Variants in AFDN observed in about 807,000 individuals in gnomAD.
AFDN encodes the protein afadin.
Under a neutral mutation model 216.6 loss-of-function variants are expected in AFDN, and 68 were observed. The ratio of observed to expected loss-of-function variants is 0.31; its 90% CI spans 0.26 to 0.38. AFDN has a LOEUF of 0.38. AFDN is among the 10% of genes least tolerant of loss of function. The probability of loss-of-function intolerance (pLI) is 1.00; values close to 1 mark genes in which losing one functional copy is unlikely to be tolerated. For missense variants in AFDN, 2,136 were observed against 2,342.0 expected (o/e 0.91, Z 1.82); for synonymous variants, 868 against 853.7 (o/e 1.02, Z -0.29).
chr6:167,966,171 C>T (rs760711262), intron 32 of AFDN, 126 bp downstream of exon 32: 1 of 1,534,694 alleles, frequency 6.5e-7, no homozygotes, highest in African/African-American at 1.4e-5. Flanking sequence ...CAACTCATTC[C>T]AGCCACCCTC....
chr6:167,955,340 G>A (rs1375699917), intron 30 of AFDN, among the ~76,000 whole-genome samples: 5 of 151,952 alleles, frequency 3.3e-5, no homozygotes, highest in Admixed American at 3.3e-4. Context: ...CCTTAGAGAG[G>A]AACCTTTCTT....
chr6:167,837,331 G>A (rs1324135604), intron 1 of AFDN, among the ~76,000 whole-genome samples: 1 of 150,270 alleles, frequency 6.7e-6, no homozygotes, highest in Non-Finnish European at 1.5e-5. Context: ...CAGAAATGAA[G>A]GTAACAAATT....
intron 21 of AFDN, 132 bp downstream of exon 21, chr6:167,919,065 C>T: frequency 2.7e-6 from 2 of 733,046 alleles, no homozygotes; most frequent in Admixed American, 4.9e-5. Context: ...AGTCCGTGTT[C>T]CACTGACTTG....
intron 1 of AFDN, among the ~76,000 whole-genome samples, chr6:167,859,299 C>T (rs937062663): frequency 3.3e-5 from 5 of 152,106 alleles, no homozygotes; most frequent in African/African-American, 7.2e-5. Flanking sequence ...TGGCTATTGC[C>T]GCCAGGTTGT....
At chr6:167,827,545 C>T (rs1779281988) in intron 1 of AFDN, 1 of 145,304 alleles carries the variant, frequency 6.9e-6, no homozygotes, top group Non-Finnish European at 1.5e-5. Flanking sequence ...CCCCCACCCC[C>T]GCGAGCGCGG....
chr6:167,898,090 C>G, intron 10 of AFDN, 115 bp from the exon 11 acceptor site: 1 of 1,151,292 alleles, frequency 8.7e-7, no homozygotes, highest in Non-Finnish European at 1.2e-6. Context: ...CACTAAAAAT[C>G]CAGAGCTTAT....
chr6:167,902,369 G>C lies in AFDN; in HGVS notation c.1633G>C (p.Ala545Pro). ...GGGAGGAGATATTCATAGTGGGACAGCATTACCGACAAGCAAGGTAGGTAA... is the reference window on the plus strand; with the variant it reads ...GGGAGGAGATATTCATAGTGGGACACCATTACCGACAAGCAAGGTAGGTAA... Reference protein sequence around the residue: ...DLGGDIHSGTALPTSKSTTRL... With the variant: ...DLGGDIHSGTPLPTSKSTTRL... Residue 545 changes from alanine (A) to proline (P), a missense_variant, in exon 12 of 34, where the codon GCA becomes CCA. Transcript: ENST00000683244. The C allele has an allele frequency of 1.2e-6, 2 of 1,612,228 alleles. No individual in the cohort carries two copies. The highest frequency in any genetic ancestry group is 8.5e-7 in the Non-Finnish European group (1 of 1,178,674).
intron 23 of AFDN, among the ~76,000 whole-genome samples, chr6:167,932,210 T>C (rs894643824): frequency 2.6e-5 from 4 of 152,220 alleles, no homozygotes; most frequent in Non-Finnish European, 5.9e-5. Context: ...TGGCCCGTTC[T>C]TTTTTCCTTT....
chr6:167,928,625 C>G (rs926904817), intron 23 of AFDN, among the ~76,000 whole-genome samples: 5 of 152,318 alleles, frequency 3.3e-5, no homozygotes, highest in African/African-American at 1.2e-4. Context: ...GGTGCAGAGC[C>G]CTAGGAGTGC....
chr6:167,854,560 G>A (rs1275167914), intron 1 of AFDN, among the ~76,000 whole-genome samples: 1 of 151,630 alleles, frequency 6.6e-6, no homozygotes, highest in East Asian at 1.9e-4. Context: ...TCTTGTACTT[G>A]TGTTGTTTCT....
intron 22 of AFDN, 176 bp from the exon 23 acceptor site, chr6:167,924,829 G>C: frequency 3.0e-6 from 2 of 659,984 alleles, no homozygotes; most frequent in Non-Finnish European, 5.6e-6. Context: ...TAGTTTACCA[G>C]ATTAATACCT....
intron 13 of AFDN, 98 bp downstream of exon 13, chr6:167,907,387 A>T (rs1789842553): frequency 2.3e-6 from 2 of 867,194 alleles, no homozygotes; most frequent in Non-Finnish European, 3.7e-6. Context: ...TTCAGCTGAC[A>T]TGTTTACAAT....
intron 10 of AFDN, among the ~76,000 whole-genome samples, chr6:167,897,641 C>CATTTTTTTTTTTTTTT (rs1562631167): frequency 1.1e-5 from 1 of 90,622 alleles, no homozygotes; most frequent in Admixed American, 1.2e-4. Context: ...TGACTGTATG[C>CATTTTTTTTTTTTTTT]CTTTTTTTTT....
chr6:167,952,977 T>C (rs953344162), intron 30 of AFDN, among the ~76,000 whole-genome samples: 3 of 152,264 alleles, frequency 2.0e-5, no homozygotes, highest in Non-Finnish European at 4.4e-5. Context: ...TAAATTGTGA[T>C]GCAGAAATTT....
At position 167,962,346 on chromosome 6, in the gene AFDN, A is replaced by C. The variant is rs1018766096; in HGVS notation, c.4834-87A>C. The C allele has an allele frequency of 3.2e-6, 5 of 1,557,548 alleles. No individual in the cohort carries two copies. In the East Asian group the frequency reaches 9.1e-5, roughly 28 times the overall value. ...TTTCTGTGTGTGTGTGTTTGTGTAT[A>C]TGTGTGTCTACTTGTCTTAATGTGT... On this transcript the variant is annotated intron_variant, in intron 30 of 33. Coordinates refer to ENST00000683244, the MANE Select transcript of AFDN (RefSeq NM_001386888.1). This position sits in a 1 kb window ranked among gnomAD's most constrained non-coding sequence, Gnocchi z 5.2.
intron 32 of AFDN, chr6:167,966,420 G>A (rs1164858578): frequency 6.6e-6 from 4 of 602,084 alleles, no homozygotes; most frequent in Admixed American, 3.6e-5. Context: ...TCGGCATGGT[G>A]ATCCTCCTCT....
intron 16 of AFDN, 30 bp downstream of exon 16, chr6:167,913,453 C>CTG: frequency 6.5e-7 from 1 of 1,535,038 alleles, no homozygotes; most frequent in African/African-American, 1.4e-5. Flanking sequence ...CTGATCCTAG[C>CTG]TGTGTTGCTT....
At chr6:167,855,369 T>C (rs1782779733) in intron 1 of AFDN, among the ~76,000 whole-genome samples, 1 of 152,106 alleles carries the variant, frequency 6.6e-6, no homozygotes, top group Non-Finnish European at 1.5e-5. Context: ...TAAAATATTT[T>C]TAAAAATTAT....
rs143274533 is a variant in AFDN at position 167,894,808 on chromosome 6, C to T, written c.1222+902C>T. 3.6e-3 allele frequency among the ~76,000 whole-genome samples: 551 copies of T among 152,290 alleles called. 6 individuals are homozygous for T. The highest frequency in any genetic ancestry group is 0.013 in the African/African-American group (520 of 41,560). On this transcript the variant is annotated intron_variant, in intron 9 of 33. Transcript: ENST00000683244. Reference sequence around the variant, plus strand: ...GTTGATGTAGAAAGGTGTGTGATAGCTCTTTATTGTCTCATAAGAGACCTT... The same window carrying T: ...GTTGATGTAGAAAGGTGTGTGATAGTTCTTTATTGTCTCATAAGAGACCTT...
Sources: gnomAD v4.1 joint callset for allele counts (sites outside exome capture counted in the v4.1 genomes callset) on GRCh38, gnomAD v4.1.1 for gene constraint, Gnocchi (gnomAD v3.1) non-coding constraint, MANE v1.5 for transcripts, NCBI Gene and HGNC (gene_info 2026-07-23, HGNC 2026-07-21) for gene names.